Variants in RIMS1 observed in about 807,000 individuals in gnomAD.
RIMS1 encodes the protein regulating synaptic membrane exocytosis 1, also known as regulating synaptic membrane exocytosis protein 1.
RIMS1 carries 83 observed loss-of-function variants against 214.1 expected under a neutral mutation model. That is an observed-to-expected ratio of 0.39 (90% CI 0.32 to 0.47). RIMS1 has a LOEUF of 0.47. Among genes scored for constraint, RIMS1 ranks in the 20% least tolerant of loss-of-function variants. The pLI, the probability that RIMS1 is intolerant of heterozygous loss-of-function variation, is 0.99. For missense variants in RIMS1, 2,050 were observed against 2,161.8 expected, an observed-to-expected ratio of 0.95 and a Z score of 1.03; for synonymous variants, 793 against 786.8, an observed-to-expected ratio of 1.01 and a Z score of -0.13.
intron 2 of RIMS1, among the ~76,000 whole-genome samples, chr6:72,094,549 G>A (rs2030599573): frequency 6.6e-6 from 1 of 152,180 alleles, no homozygotes; most frequent in African/African-American, 2.4e-5. Context: ...ACAAACTGCT[G>A]TATGGGCAAA....
chr6:71,887,015 G>A lies in RIMS1; in HGVS notation c.-9G>A. 6.2e-7 allele frequency: 1 copy of A among 1,611,312 alleles called. No homozygotes were observed. The highest frequency in any genetic ancestry group is 8.5e-7 in the Non-Finnish European group (1 of 1,178,656). On this transcript the variant is annotated 5_prime_UTR_variant, in exon 1 of 34. Coordinates refer to ENST00000521978, the MANE Select transcript of RIMS1 (RefSeq NM_014989.7). ...GAGAGCGAGCAGAGGGGGCGGGCAG[G>A]CCACGAAAATGTCCTCGGCCGTGGG...
chr6:72,009,684 AATACT>A (rs1809544071), intron 2 of RIMS1, among the ~76,000 whole-genome samples: 2 of 152,240 alleles, frequency 1.3e-5, no homozygotes, highest in South Asian at 4.1e-4. Flanking sequence ...ACTATCAGAG[AATACT>A]ATAAACACCA....
intron 26 of RIMS1, among the ~76,000 whole-genome samples, chr6:72,304,461 A>G (rs553571468): frequency 4.3e-4 from 66 of 151,946 alleles, no homozygotes; most frequent in African/African-American, 1.3e-3. Context: ...ACTATTCTCC[A>G]TATAAATCAT....
intron 4 of RIMS1, among the ~76,000 whole-genome samples, chr6:72,129,398 C>A (rs2040099250): frequency 6.6e-6 from 1 of 152,072 alleles, no homozygotes; most frequent in Non-Finnish European, 1.5e-5. Flanking sequence ...GGAGTTGGAT[C>A]ATTTTGGTCT....
At chr6:72,109,731 T>C (rs1364568495) in intron 4 of RIMS1, among the ~76,000 whole-genome samples, 1 of 151,942 alleles carries the variant, frequency 6.6e-6, no homozygotes, top group East Asian at 1.9e-4. Context: ...CAATTTTGGC[T>C]TTTGTTGCCA....
At chr6:71,944,121 A>G (rs572073545) in intron 1 of RIMS1, among the ~76,000 whole-genome samples, 20 of 152,336 alleles carry the variant, frequency 1.3e-4, no homozygotes, top group Admixed American at 2.6e-4. Context: ...TTGGTAAAAT[A>G]CTATTATGGT....
Position 72,235,707 on chromosome 6 carries a change from A to G in RIMS1, c.1836A>G (p.Ser612=). ...AGAGAACAACCATGCCCAAAGACTC[A>G]GGTGCATTGCTGGGTCTGAAAGTAA... ...LNKRTTMPKD[S]GALLGLKVVG... The change falls in exon 8 of 34, where the codon TCA becomes TCG. Residue 612 remains serine, a synonymous_variant. Transcript: ENST00000521978. 1 of 1,605,426 alleles carries G rather than the reference A, an allele frequency of 6.2e-7. No individual in the cohort carries two copies. Among genetic ancestry groups the G allele is most frequent in the African/African-American group, 1.3e-5 (1 of 74,866 alleles).
rs964404372 is a variant in RIMS1 at position 72,120,141 on chromosome 6, T to C, written c.471+20155T>C. ...GTGTGCATGTGTCTTTATAGTAGCA[T>C]GATTTATAATCCTTTGGGTATATAC... On this transcript the variant is annotated intron_variant, in intron 4 of 33. Coordinates refer to ENST00000521978, the MANE Select transcript of RIMS1 (RefSeq NM_014989.7). 1.6e-4 allele frequency among the ~76,000 whole-genome samples: 25 copies of C among 151,936 alleles called. 1 individual carries two copies. The highest frequency in any genetic ancestry group is 2.9e-4 in the Non-Finnish European group (20 of 67,878).
At chr6:72,279,456 A>T (rs1353836061) in intron 23 of RIMS1, among the ~76,000 whole-genome samples, 1 of 152,080 alleles carries the variant, frequency 6.6e-6, no homozygotes. Context: ...ACTAGAAAGC[A>T]TAAGGCCAAA....
In RIMS1 at chr6:72,128,247, A is replaced by C. The variant is rs114495182; in HGVS notation, c.471+28261A>C. 5.4e-3 allele frequency among the ~76,000 whole-genome samples: 825 copies of C among 152,314 alleles called. 11 individuals are homozygous for C. Among genetic ancestry groups the C allele is most frequent in the African/African-American group, 0.019 (800 of 41,570 alleles). On this transcript the variant is annotated intron_variant, in intron 4 of 33. Transcript: ENST00000521978. ...CAAAAGTCTTATTTAACCTTAAAAA[A>C]GATGTACATACATTTCAAAGGACAG...
chr6:71,960,102 A>G (rs866674034), intron 1 of RIMS1, among the ~76,000 whole-genome samples: 4 of 152,054 alleles, frequency 2.6e-5, no homozygotes, highest in Admixed American at 6.6e-5. Flanking sequence ...ATCTTGTTTT[A>G]CTGAATTTAT....
intron 1 of RIMS1, among the ~76,000 whole-genome samples, chr6:71,960,477 G>A (rs965696773): frequency 2.6e-5 from 4 of 152,132 alleles, no homozygotes; most frequent in African/African-American, 9.7e-5. Context: ...TTTCTTTAGT[G>A]GAAAATAAAA....
At chr6:71,888,694 T>C (rs919814842) in intron 1 of RIMS1, among the ~76,000 whole-genome samples, 1 of 152,192 alleles carries the variant, frequency 6.6e-6, no homozygotes, top group African/African-American at 2.4e-5. Context: ...AGCAAAATAG[T>C]AGAAATCCAG....
intron 1 of RIMS1, among the ~76,000 whole-genome samples, chr6:71,943,806 T>A (rs62407756): frequency 0.12 from 17,818 of 152,224 alleles, 1,395 homozygotes; most frequent in Non-Finnish European, 0.17. Flanking sequence ...AACACTAAAG[T>A]TATGATCCAT....
chr6:72,077,450 G>A (rs17780746), intron 2 of RIMS1, among the ~76,000 whole-genome samples: 18,386 of 152,218 alleles, frequency 0.12, 1,385 homozygotes, highest in South Asian at 0.18. Context: ...ATTTATGAAT[G>A]TATCACTCTT....
intron 29 of RIMS1, among the ~76,000 whole-genome samples, chr6:72,387,932 A>T (rs533873179): frequency 6.6e-6 from 1 of 152,310 alleles, no homozygotes; most frequent in Admixed American, 6.5e-5. Flanking sequence ...GAATAGTGCA[A>T]TCTTTAAAAA....
chr6:71,894,297 T>A (rs1019139433), intron 1 of RIMS1, among the ~76,000 whole-genome samples: 6 of 152,024 alleles, frequency 3.9e-5, no homozygotes, highest in Non-Finnish European at 5.9e-5. Context: ...ATACAAAAAA[T>A]TAACCTGGTA....
chr6:71,912,440 G>A (rs1001342053), intron 1 of RIMS1, among the ~76,000 whole-genome samples: 1 of 152,072 alleles, frequency 6.6e-6, no homozygotes, highest in Non-Finnish European at 1.5e-5. Context: ...TAGAATTTAT[G>A]TAATCTACCT....
At chr6:72,181,877 ACTC>A (rs1011595402) in intron 5 of RIMS1, among the ~76,000 whole-genome samples, 1 of 151,990 alleles carries the variant, frequency 6.6e-6, no homozygotes, top group African/African-American at 2.4e-5. Context: ...ACACTGGAGA[ACTC>A]CTTCCATTTG....
Sources: gnomAD v4.1 joint callset for allele counts (sites outside exome capture counted in the v4.1 genomes callset) on GRCh38, gnomAD v4.1.1 for gene constraint, MANE v1.5 for transcripts, NCBI Gene and HGNC (gene_info 2026-07-23, HGNC 2026-07-21) for gene names.